EYS: variants seen among roughly 807,000 people sequenced by gnomAD.
The protein encoded by EYS is protein eyes shut homolog.
A neutral mutation model predicts 282.1 loss-of-function variants in EYS; 250 were observed. That is an observed-to-expected ratio of 0.89 (90% CI 0.80 to 0.98). The LOEUF is 0.98. Among genes scored for constraint, EYS ranks in the 50% least tolerant of loss-of-function variants. The probability of loss-of-function intolerance (pLI) is 0.00; values close to 1 mark genes in which losing one functional copy is unlikely to be tolerated. For synonymous variants in EYS, 1,355 were observed against 1,282.9 expected (o/e 1.06, Z -1.20); for missense variants, 4,016 against 3,709.0 (o/e 1.08, Z -2.15).
intron 30 of EYS, among the ~76,000 whole-genome samples, chr6:64,295,320 C>CTTAAAGTAGAA (rs779808286): frequency 1.7e-4 from 3 of 17,564 alleles, no homozygotes; most frequent in African/African-American, 7.4e-4. Flanking sequence ...TACCCTAAAA[C>CTTAAAGTAGAA]GAAGAAGAAG....
chr6:63,963,544 G>A lies in EYS; in HGVS notation c.7055+20839C>T, dbSNP rs189755696. The stretch of plus-strand genomic sequence containing the variant: ...AATGGCATTGCTTTCTGCTCCTGGC[G>A]CAGCTTGCTCACAGGACCGAGAGGT... On this transcript the variant is annotated intron_variant, in intron 35 of 42. Coordinates refer to ENST00000503581, the MANE Select transcript of EYS (RefSeq NM_001142800.2). Among the ~76,000 whole-genome samples the A allele has an allele frequency of 1.4e-4, 22 of 152,264 alleles. No individual in the cohort carries two copies. In the East Asian group the frequency reaches 3.5e-3, roughly 24 times the overall value.
In EYS at chr6:64,856,059, C is replaced by A. The variant is rs151162207; in HGVS notation, c.2992+30638G>T. Among the ~76,000 whole-genome samples, 814 of 152,186 alleles carry A rather than the reference C, an allele frequency of 5.3e-3. 4 individuals are homozygous for A. The highest frequency in any genetic ancestry group is 0.027 in the Middle Eastern group (8 of 294). Reference sequence around the variant, plus strand: ...CCAGCTTTCAACAATTATGAATAAACCTGCTATGAACAATTATATACACAA... The same window carrying A: ...CCAGCTTTCAACAATTATGAATAAAACTGCTATGAACAATTATATACACAA... On this transcript the variant is annotated intron_variant, in intron 19 of 42. Transcript: ENST00000503581.
At chr6:64,092,486 A>T (rs1333243582) in intron 31 of EYS, among the ~76,000 whole-genome samples, 1 of 151,924 alleles carries the variant, frequency 6.6e-6, no homozygotes, top group South Asian at 2.1e-4. Context: ...TTTGATTTGC[A>T]TTTCTCTGAT....
Position 64,230,573 on chromosome 6 carries a change from G to A in EYS, c.6424+19C>T. 1 of 1,518,470 alleles carries A rather than the reference G, an allele frequency of 6.6e-7. No individual in the cohort carries two copies. Among genetic ancestry groups the A allele is most frequent in the South Asian group, 1.2e-5 (1 of 82,990 alleles). 94.1% of individuals were successfully genotyped at this position (1,518,470 alleles called of 1,614,324 possible). On this transcript the variant is annotated intron_variant, in intron 31 of 42. Transcript: ENST00000503581. ...AGGTTTTTAAAAAGAAATACAAAAG[G>A]GTAATGAAGATTGATTACCTTTTTC... is the stretch of plus-strand genomic sequence containing the variant.
intron 28 of EYS, among the ~76,000 whole-genome samples, chr6:64,414,042 T>C (rs1773989638): frequency 6.6e-6 from 1 of 152,138 alleles, no homozygotes. Context: ...ATCATGTACT[T>C]CCTAGCCTTC....
At chr6:65,511,345 G>A (rs541430027) in intron 2 of EYS, among the ~76,000 whole-genome samples, 61 of 114,612 alleles carry the variant, frequency 5.3e-4, no homozygotes, top group Middle Eastern at 4.5e-3. Flanking sequence ...TGCATTCTGT[G>A]TGTGTGTGTG....
chr6:64,066,830 ATAAT>A (rs1457410130), intron 32 of EYS, among the ~76,000 whole-genome samples: 6 of 152,132 alleles, frequency 3.9e-5, no homozygotes, highest in Middle Eastern at 3.2e-3. Flanking sequence ...AACTCCTGTG[ATAAT>A]TAAATAAAAT....
intron 33 of EYS, among the ~76,000 whole-genome samples, chr6:64,024,516 C>G (rs576861151): frequency 6.6e-6 from 1 of 152,028 alleles, no homozygotes; most frequent in Non-Finnish European, 1.5e-5. Context: ...GCAGGCTTCC[C>G]GAGCAAGCAG....
chr6:63,809,742 T>C (rs865997241), intron 36 of EYS, among the ~76,000 whole-genome samples: 28 of 152,158 alleles, frequency 1.8e-4, no homozygotes, highest in African/African-American at 6.5e-4. Flanking sequence ...GATATTTTCT[T>C]TTATATTATA....
At position 65,402,492 on chromosome 6, in the gene EYS, T is replaced by C. The variant is rs2150363751; in HGVS notation, c.1170A>G (p.Lys390=). 2.0e-6 allele frequency: 3 copies of C among 1,515,498 alleles called. No individual in the cohort carries two copies. Among genetic ancestry groups the C allele is most frequent in the Non-Finnish European group, 1.8e-6 (2 of 1,091,422 alleles). 93.9% of individuals were successfully genotyped at this position (1,515,498 alleles called of 1,614,324 possible). A position where few individuals can be genotyped will look rare whatever the true frequency, so the allele number is the denominator to read the frequency against. ...ATTAATTATACCTGCAAGGATAATC[T>C]TTCTCACATTTCTTACATGTAGCAT... ...RNNATCKKCE[K]DYPCSCISGF... Residue 390 remains lysine (K), a synonymous_variant, in exon 7 of 43, where the codon AAA becomes AAG. Coordinates refer to ENST00000503581, the MANE Select transcript of EYS (RefSeq NM_001142800.2).
chr6:63,894,808 C>G (rs1248223003), intron 35 of EYS, among the ~76,000 whole-genome samples: 1 of 152,064 alleles, frequency 6.6e-6, no homozygotes, highest in Admixed American at 6.5e-5. Flanking sequence ...AGGATGGTCT[C>G]GATCTCCTGA....
chr6:64,939,999 C>T (rs1280778330), intron 15 of EYS, among the ~76,000 whole-genome samples: 3 of 151,950 alleles, frequency 2.0e-5, no homozygotes, highest in Non-Finnish European at 4.4e-5. Context: ...TAAGTAATTG[C>T]TACCTCTTTT....
intron 29 of EYS, among the ~76,000 whole-genome samples, chr6:64,311,937 CT>C (rs1440613506): frequency 6.6e-6 from 1 of 151,414 alleles, no homozygotes; most frequent in Non-Finnish European, 1.5e-5. Context: ...AAGCACAAAA[CT>C]GGGCAGCCTT....
chr6:64,115,435 C>T (rs1773347245), intron 31 of EYS, among the ~76,000 whole-genome samples: 1 of 152,100 alleles, frequency 6.6e-6, no homozygotes, highest in South Asian at 2.1e-4. Context: ...CAAGAAGGAT[C>T]CTTTTGGCCA....
chr6:64,721,427 T>A (rs949904869), intron 22 of EYS, among the ~76,000 whole-genome samples: 1 of 152,174 alleles, frequency 6.6e-6, no homozygotes, highest in South Asian at 2.1e-4. Context: ...AAGAAAAGAA[T>A]CTTTGGTGGA....
intron 22 of EYS, among the ~76,000 whole-genome samples, chr6:64,667,030 C>T (rs1769256159): frequency 1.3e-5 from 2 of 151,944 alleles, no homozygotes; most frequent in African/African-American, 4.8e-5. Flanking sequence ...TCATCATATT[C>T]ACTGTGACAT....
At chr6:65,276,468 C>A (rs1018138588) in intron 12 of EYS, among the ~76,000 whole-genome samples, 2 of 151,860 alleles carry the variant, frequency 1.3e-5, no homozygotes, top group Non-Finnish European at 2.9e-5. Flanking sequence ...TCACTTAGAA[C>A]TCCTCATGCC....
intron 22 of EYS, among the ~76,000 whole-genome samples, chr6:64,685,058 G>A (rs908295852): frequency 5.3e-5 from 8 of 151,946 alleles, no homozygotes; most frequent in African/African-American, 1.7e-4. Context: ...ATAAAATGTT[G>A]AAAGCAAAGG....
At chr6:65,047,073 C>A (rs555085487) in intron 13 of EYS, among the ~76,000 whole-genome samples, 5 of 151,256 alleles carry the variant, frequency 3.3e-5, no homozygotes, top group Admixed American at 6.6e-5. Flanking sequence ...GTACAGCCTG[C>A]GGAACTATGA....
Sources: allele counts gnomAD v4.1 joint callset (sites outside exome capture counted in the v4.1 genomes callset), GRCh38; gene constraint gnomAD v4.1.1; transcripts MANE v1.5; gene names NCBI Gene and HGNC (gene_info 2026-07-23, HGNC 2026-07-21).